GSK3B: variants seen among roughly 807,000 people sequenced by gnomAD.
GSK3B encodes glycogen synthase kinase-3 beta.
GSK3B carries 15 observed loss-of-function variants against 56.4 expected under a neutral mutation model. The ratio of observed to expected loss-of-function variants is 0.27; its 90% confidence interval spans 0.18 to 0.41. The LOEUF is 0.41. Among genes scored for constraint, GSK3B ranks in the 10% least tolerant of loss-of-function variants. The probability of loss-of-function intolerance (pLI) is 1.00; values close to 1 mark genes in which losing one functional copy is unlikely to be tolerated. For missense variants in GSK3B, 300 were observed against 513.4 expected (o/e 0.58, Z 4.02); for synonymous variants, 181 against 188.9 (o/e 0.96, Z 0.34).
At chr3:120,062,735 G>A (rs1434749557) in intron 1 of GSK3B, among the ~76,000 whole-genome samples, 1 of 152,154 alleles carries the variant, frequency 6.6e-6, no homozygotes, top group East Asian at 1.9e-4. Flanking sequence ...CTACTTTTAT[G>A]GAACTTACAT....
intron 1 of GSK3B, among the ~76,000 whole-genome samples, chr3:120,022,451 T>C (rs62264747): frequency 0.24 from 36,784 of 152,072 alleles, 4,903 homozygotes; most frequent in East Asian, 0.49. Flanking sequence ...TTAAATAACA[T>C]TGTCCTAACT....
intron 3 of GSK3B, among the ~76,000 whole-genome samples, chr3:119,925,614 T>TG (rs1370958480): frequency 6.6e-6 from 1 of 152,148 alleles, no homozygotes; most frequent in Admixed American, 6.6e-5. Flanking sequence ...TCAAGGTCAT[T>TG]GCTCCAGAAT....
intron 9 of GSK3B, among the ~76,000 whole-genome samples, chr3:119,844,778 A>G (rs537820032): frequency 6.6e-6 from 1 of 152,372 alleles, no homozygotes; most frequent in Admixed American, 6.5e-5. Flanking sequence ...TCCAATCAAC[A>G]GAAAAAGAGG....
intron 1 of GSK3B, among the ~76,000 whole-genome samples, chr3:120,005,779 C>G (rs1362155618): frequency 1.3e-5 from 2 of 152,154 alleles, no homozygotes; most frequent in Admixed American, 1.3e-4. Context: ...GAAGGAAGCA[C>G]TAAACATGGA....
At chr3:120,000,453 G>A (rs12107508) in intron 2 of GSK3B, among the ~76,000 whole-genome samples, 3,427 of 152,226 alleles carry the variant, frequency 0.023, 109 homozygotes, top group African/African-American at 0.078. Flanking sequence ...TCTTTAGAAT[G>A]TTCCAGATAT....
intron 1 of GSK3B, among the ~76,000 whole-genome samples, chr3:120,067,474 C>T (rs2058290148): frequency 6.6e-6 from 1 of 152,094 alleles, no homozygotes; most frequent in South Asian, 2.1e-4. Context: ...GGCAAAATCA[C>T]CTAACACAAA....
chr3:120,054,125 T>C (rs1217117925), intron 1 of GSK3B, among the ~76,000 whole-genome samples: 2 of 152,198 alleles, frequency 1.3e-5, no homozygotes, highest in African/African-American at 4.8e-5. Flanking sequence ...AAAAAATACC[T>C]TAGAACAATT....
intron 1 of GSK3B, among the ~76,000 whole-genome samples, chr3:120,086,615 C>A (rs759005715): frequency 6.6e-6 from 1 of 151,892 alleles, no homozygotes; most frequent in African/African-American, 2.4e-5. Context: ...GGCAAGATGG[C>A]GAAACCCCCT....
intron 10 of GSK3B, among the ~76,000 whole-genome samples, chr3:119,835,113 T>G (rs943476909): frequency 6.6e-6 from 1 of 152,208 alleles, no homozygotes; most frequent in African/African-American, 2.4e-5. Flanking sequence ...ATGCACATAT[T>G]AATTGGCTAC....
intron 8 of GSK3B, among the ~76,000 whole-genome samples, chr3:119,863,992 C>T (rs949018652): frequency 2.0e-5 from 3 of 151,842 alleles, no homozygotes; most frequent in Admixed American, 1.3e-4. Context: ...TTTTTTTAGC[C>T]GAACAATTGT....
chr3:119,907,241 A>G (rs2056691881), intron 6 of GSK3B, among the ~76,000 whole-genome samples: 1 of 152,136 alleles, frequency 6.6e-6, no homozygotes, highest in Admixed American at 6.6e-5. Context: ...TCTAATACGG[A>G]ATGATTCATC....
intron 10 of GSK3B, among the ~76,000 whole-genome samples, chr3:119,842,932 T>C (rs1340909417): frequency 6.6e-6 from 1 of 152,174 alleles, no homozygotes; most frequent in Non-Finnish European, 1.5e-5. Context: ...TTTTTTTTTT[T>C]TGAGATGGAG....
At chr3:119,840,378 C>T (rs1347186750) in intron 10 of GSK3B, among the ~76,000 whole-genome samples, 4 of 152,052 alleles carry the variant, frequency 2.6e-5, no homozygotes, top group Non-Finnish European at 5.9e-5. Flanking sequence ...GCATGCATCA[C>T]CACGTCCGGC....
intron 7 of GSK3B, among the ~76,000 whole-genome samples, chr3:119,881,600 T>A (rs983842927): frequency 6.6e-6 from 1 of 152,234 alleles, no homozygotes; most frequent in African/African-American, 2.4e-5. Flanking sequence ...CAGTACTAAC[T>A]CTTGTGATGT....
chr3:120,042,287 C>A (rs1217166652), intron 1 of GSK3B, among the ~76,000 whole-genome samples: 1 of 152,084 alleles, frequency 6.6e-6, no homozygotes, highest in African/African-American at 2.4e-5. Flanking sequence ...TAAGAACAGG[C>A]ACTAAAGAGA....
chr3:119,895,234 T>C (rs760310292), intron 7 of GSK3B, among the ~76,000 whole-genome samples: 4 of 152,174 alleles, frequency 2.6e-5, no homozygotes, highest in Non-Finnish European at 2.9e-5. Flanking sequence ...GGTTCACCCA[T>C]GTTGTCACAA....
chr3:119,831,998 T>C lies in GSK3B; in HGVS notation c.1196-5143A>G, dbSNP rs546218036. On this transcript the variant is annotated intron_variant, in intron 10 of 10. Transcript: ENST00000264235. ...TTTCCAAGATGACCCCAATGATTCA[T>C]GCCTCTTGGTATCCATGCCTAATGC... Among the ~76,000 whole-genome samples the C allele has an allele frequency of 3.3e-5, 5 of 152,368 alleles. No individual in the cohort carries two copies. The East Asian group carries it at 7.7e-4, about 23-fold the overall frequency.
intron 4 of GSK3B, 88 bp downstream of exon 4, chr3:119,923,285 A>G: frequency 3.2e-6 from 2 of 630,596 alleles, no homozygotes; most frequent in South Asian, 2.1e-5. Flanking sequence ...AGTATTAAAT[A>G]CAATAATATA....
intron 2 of GSK3B, among the ~76,000 whole-genome samples, chr3:119,959,785 A>C (rs963919999): frequency 6.6e-6 from 1 of 151,796 alleles, no homozygotes; most frequent in African/African-American, 2.4e-5. Context: ...CCTAAGTGCT[A>C]TTATTAGCAA....
Sources: gnomAD v4.1 joint callset for allele counts (sites outside exome capture counted in the v4.1 genomes callset) on GRCh38, gnomAD v4.1.1 for gene constraint, MANE v1.5 for transcripts, NCBI Gene and HGNC (gene_info 2026-07-23, HGNC 2026-07-21) for gene names.